The following TANK variants were observed in gnomAD, a reference collection of about 807,000 sequenced individuals.
The protein encoded by TANK is TRAF family member associated NFKB activator, also known as TRAF family member-associated NF-kappa-B activator.
Under a neutral mutation model 43.6 loss-of-function variants are expected in TANK, and 15 were observed. The ratio of observed to expected loss-of-function variants is 0.34; its 90% CI spans 0.23 to 0.53. TANK has a LOEUF of 0.53. Ranked by LOEUF, TANK falls within the 20% of genes least tolerant of loss-of-function variation. The pLI, the probability that TANK is intolerant of heterozygous loss-of-function variation, is 0.94. For missense variants in TANK, 417 were observed against 498.6 expected (o/e 0.84, Z 1.56); for synonymous variants, 162 against 178.2 (o/e 0.91, Z 0.73).
At chr2:161,166,527 T>C (rs1430502421) in intron 1 of TANK, among the ~76,000 whole-genome samples, 1 of 152,232 alleles carries the variant, frequency 6.6e-6, no homozygotes, top group East Asian at 1.9e-4. Context: ...GAAGATGTCT[T>C]ATTTATGTGT....
Position 161,175,371 on chromosome 2 carries a change from C to T in TANK, c.-49-4243C>T, listed in dbSNP as rs548418946. The stretch of plus-strand genomic sequence containing the variant: ...TATAGCTATAGATAAGTCATTTAAG[C>T]CTTCTGAGCCTTATCAGTCAAAGAG... On this transcript the variant is annotated intron_variant, in intron 1 of 7. Coordinates refer to ENST00000392749, the MANE Select transcript of TANK (RefSeq NM_001199135.3). Among the ~76,000 whole-genome samples the T allele has an allele frequency of 2.6e-5, 4 of 152,158 alleles. No homozygotes were observed. The South Asian group carries it at 8.3e-4, about 32-fold the overall frequency.
upstream of TANK, chr2:161,160,118 G>A: frequency 6.5e-6 from 2 of 305,586 alleles, no homozygotes; most frequent in Non-Finnish European, 1.2e-5. Context: ...TTTATTTACT[G>A]GTTATTTATT....
chr2:161,201,012 G>A, intron 2 of TANK: 7 of 704,008 alleles, frequency 9.9e-6, no homozygotes, highest in Non-Finnish European at 1.2e-5. Flanking sequence ...CTCTACCCTT[G>A]AGGAGTTCAG....
chr2:161,158,423 C>G (rs1684281062), upstream of TANK, among the ~76,000 whole-genome samples: 1 of 152,158 alleles, frequency 6.6e-6, no homozygotes, highest in South Asian at 2.1e-4. Context: ...GCATTGATTA[C>G]AAAATAATTC....
intron 7 of TANK, 130 bp downstream of exon 7, chr2:161,231,681 T>A: frequency 1.2e-6 from 1 of 817,092 alleles, no homozygotes; most frequent in Non-Finnish European, 1.9e-6. Context: ...GTTAAGGCTT[T>A]CAAAAAAACA....
chr2:161,200,490 G>A (rs1041397158), intron 2 of TANK: 166 of 974,084 alleles, frequency 1.7e-4, no homozygotes, highest in Middle Eastern at 5.3e-4. Context: ...CCAGTTTGAT[G>A]TAATATTTCC....
intron 1 of TANK, among the ~76,000 whole-genome samples, chr2:161,146,584 A>G (rs1052856739): frequency 6.6e-6 from 1 of 152,000 alleles, no homozygotes; most frequent in Non-Finnish European, 1.5e-5. Flanking sequence ...CTTCTGTAGG[A>G]CTGCTGAGGT....
At chr2:161,204,883 T>C in intron 4 of TANK, 90 bp downstream of exon 4, 1 of 1,544,606 alleles carries the variant, frequency 6.5e-7, no homozygotes. Context: ...TCTGCTGGAA[T>C]TCCAAACAGA....
At chr2:161,157,781 TC>T (rs1684264604), upstream of TANK, among the ~76,000 whole-genome samples, 1 of 152,080 alleles carries the variant, frequency 6.6e-6, no homozygotes, top group Non-Finnish European at 1.5e-5. Flanking sequence ...CCTTCCGGGT[TC>T]AAGTGATCCT....
Position 161,224,760 on chromosome 2 carries a change from T to C in TANK, c.520+14T>C, listed in dbSNP as rs569679983. On this transcript the variant is annotated intron_variant, in intron 6 of 7. Transcript: ENST00000392749. ...ACACTGCAACTGGTAAGATTTAATT[T>C]AATTTACAGTAATATTGATTTGCTT... is the stretch of plus-strand genomic sequence containing the variant. 2.2e-6 allele frequency: 3 copies of C among 1,370,008 alleles called. No homozygotes were observed. Among genetic ancestry groups the C allele is most frequent in the Non-Finnish European group, 3.0e-6 (3 of 996,198 alleles). The allele number at this position is 1,370,008 out of a possible 1,614,324, so 84.9% of individuals were successfully genotyped here.
intron 2 of TANK, among the ~76,000 whole-genome samples, chr2:161,199,811 A>G (rs1686323362): frequency 6.6e-6 from 1 of 152,186 alleles, no homozygotes; most frequent in Admixed American, 6.6e-5. Context: ...TGGGAGGCCA[A>G]GGTGGGAGGA....
chr2:161,195,806 C>T (rs1428531040), intron 2 of TANK, among the ~76,000 whole-genome samples: 8 of 152,114 alleles, frequency 5.3e-5, no homozygotes. Context: ...TGGGGCCAGG[C>T]GCAGTGGCTC....
At chr2:161,144,598 T>C (rs1683850598) in intron 1 of TANK, among the ~76,000 whole-genome samples, 2 of 152,208 alleles carry the variant, frequency 1.3e-5, no homozygotes, top group Admixed American at 6.5e-5. Flanking sequence ...AATTTCCATG[T>C]AGTTGTGTCA....
At chr2:161,211,453 T>TACA (rs1686884353) in intron 4 of TANK, among the ~76,000 whole-genome samples, 1 of 152,184 alleles carries the variant, frequency 6.6e-6, no homozygotes, top group African/African-American at 2.4e-5. Flanking sequence ...GGTACCTGGT[T>TACA]TTATATTCAT....
chr2:161,231,385 C>T lies in TANK; in HGVS notation c.935C>T (p.Ser312Leu). The T allele has an allele frequency of 6.2e-7, 1 of 1,614,170 alleles. No individual in the cohort carries two copies. The highest frequency in any genetic ancestry group is 8.5e-7 in the Non-Finnish European group (1 of 1,180,020). Reference sequence around the variant, plus strand: ...AAAACAACTGACAAAACAAAGCCCTCAAATCTCGTAAACACTTGTATCAGG... The same window carrying T: ...AAAACAACTGACAAAACAAAGCCCTTAAATCTCGTAAACACTTGTATCAGG... ...NLKTTDKTKP[S>L]NLVNTCIRTT... is the part of the protein sequence containing the mutation. Residue 312 changes from serine to leucine, a missense_variant, in exon 7 of 8, where the codon TCA becomes TTA. Coordinates refer to ENST00000392749, the MANE Select transcript of TANK (RefSeq NM_001199135.3).
intron 2 of TANK, among the ~76,000 whole-genome samples, chr2:161,189,650 C>T (rs1342551832): frequency 3.3e-5 from 5 of 151,960 alleles, no homozygotes. Flanking sequence ...CTAAAGATTC[C>T]ACACCCAAAA....
chr2:161,228,546 A>T (rs566562971), intron 6 of TANK, among the ~76,000 whole-genome samples: 9 of 152,266 alleles, frequency 5.9e-5, no homozygotes, highest in Admixed American at 2.6e-4. Flanking sequence ...AAAAAAAAAA[A>T]AGTTAATATC....
chr2:161,234,798 G>C (rs1232795166), intron 7 of TANK, among the ~76,000 whole-genome samples: 1 of 152,182 alleles, frequency 6.6e-6, no homozygotes, highest in African/African-American at 2.4e-5. Flanking sequence ...AATTTGTTCA[G>C]TAGTTTAAAA....
intron 1 of TANK, among the ~76,000 whole-genome samples, chr2:161,150,421 A>C (rs1381906364): frequency 6.6e-6 from 1 of 151,874 alleles, no homozygotes; most frequent in African/African-American, 2.4e-5. Flanking sequence ...TCCAAGAACC[A>C]ACTTCTAGTT....
Sources: gnomAD v4.1 joint callset for allele counts (sites outside exome capture counted in the v4.1 genomes callset) on GRCh38, gnomAD v4.1.1 for gene constraint, MANE v1.5 for transcripts, NCBI Gene and HGNC (gene_info 2026-07-23, HGNC 2026-07-21) for gene names.